ARHGAP26: variants seen among roughly 807,000 people sequenced by gnomAD.
The protein encoded by ARHGAP26 is Rho GTPase activating protein 26, also known as rho GTPase-activating protein 26.
A neutral mutation model predicts 104.8 loss-of-function variants in ARHGAP26; 38 were observed. The ratio of observed to expected loss-of-function variants is 0.36; its 90% confidence interval spans 0.28 to 0.48. The LOEUF is 0.48. ARHGAP26 is among the 20% of genes least tolerant of loss of function. The pLI is 0.99. For synonymous variants in ARHGAP26, 341 were observed against 340.0 expected, an observed-to-expected ratio of 1.00 and a Z score of -0.03; for missense variants, 704 against 947.9, an observed-to-expected ratio of 0.74 and a Z score of 3.38.
intron 19 of ARHGAP26, among the ~76,000 whole-genome samples, chr5:143,138,268 G>A (rs1461040045): frequency 1.3e-5 from 2 of 152,192 alleles, no homozygotes; most frequent in South Asian, 4.1e-4. Flanking sequence ...TCAGTTATAA[G>A]ACAGCAAGTC....
chr5:143,159,669 C>T (rs1459544495), intron 20 of ARHGAP26, among the ~76,000 whole-genome samples: 1 of 152,036 alleles, frequency 6.6e-6, no homozygotes, highest in Admixed American at 6.6e-5. Context: ...CTGAAGCCTC[C>T]CAAGTGATTT....
At chr5:143,019,064 A>G (rs1270141900) in intron 12 of ARHGAP26, among the ~76,000 whole-genome samples, 1 of 152,164 alleles carries the variant, frequency 6.6e-6, no homozygotes, top group African/African-American at 2.4e-5. Context: ...ATCCCTAAAT[A>G]CTAAATTTAA....
At chr5:143,115,022 A>G (rs1795245263) in intron 17 of ARHGAP26, among the ~76,000 whole-genome samples, 1 of 152,106 alleles carries the variant, frequency 6.6e-6, no homozygotes, top group South Asian at 2.1e-4. Context: ...AGAAGTACTT[A>G]TAGGGAAGTG....
At chr5:142,940,502 G>A (rs1045926376) in intron 11 of ARHGAP26, among the ~76,000 whole-genome samples, 18 of 152,140 alleles carry the variant, frequency 1.2e-4, no homozygotes, top group African/African-American at 4.3e-4. Flanking sequence ...GCTCCAGTAT[G>A]TCCATGTGTT....
In ARHGAP26 at chr5:143,087,636, C is replaced by CTTTTTTTTTTTTTTTTTTTTT. The variant is rs35201189; in HGVS notation, c.1538+29895_1538+29915dup. 3.7e-4 allele frequency among the ~76,000 whole-genome samples: 19 copies of CTTTTTTTTTTTTTTTTTTTTT among 51,566 alleles called. 5 individuals carry two copies. The highest frequency in any genetic ancestry group is 1.7e-3 in the East Asian group (2 of 1,166). 33.8% of individuals were successfully genotyped at this position (51,566 alleles called of 152,430 possible). A position where few individuals can be genotyped will look rare whatever the true frequency, so the allele number is the denominator to read the frequency against. ...CTCATCTAATTAACCCTGGCCCATT[C>CTTTTTTTTTTTTTTTTTTTTT]TTTTTTTTTTTTTTTTTTTTTTTTT... On this transcript the variant is annotated intron_variant, in intron 17 of 22. Coordinates refer to ENST00000645722, the MANE Select transcript of ARHGAP26 (RefSeq NM_001135608.3).
chr5:143,201,939 T>C (rs1319663437), intron 20 of ARHGAP26, among the ~76,000 whole-genome samples: 1 of 152,216 alleles, frequency 6.6e-6, no homozygotes, highest in Non-Finnish European at 1.5e-5. Context: ...TAGGTCCGCT[T>C]GGTCCAGTGC....
chr5:142,958,107 G>A (rs547916116), intron 11 of ARHGAP26, among the ~76,000 whole-genome samples: 20 of 152,282 alleles, frequency 1.3e-4, no homozygotes, highest in African/African-American at 4.8e-4. Flanking sequence ...GGTCATTTTT[G>A]TCAGGGAGCA....
intron 20 of ARHGAP26, among the ~76,000 whole-genome samples, chr5:143,152,173 A>G (rs991184201): frequency 2.6e-5 from 4 of 152,188 alleles, no homozygotes; most frequent in East Asian, 3.8e-4. Context: ...GACATTATGC[A>G]TTTGTCAAAA....
At chr5:142,982,117 G>A (rs1335540943) in intron 11 of ARHGAP26, among the ~76,000 whole-genome samples, 2 of 152,186 alleles carry the variant, frequency 1.3e-5, no homozygotes, top group African/African-American at 2.4e-5. Context: ...TTAGCAGGCT[G>A]TTCAGACAGT....
At chr5:142,842,243 T>C (rs1597863882) in intron 1 of ARHGAP26, among the ~76,000 whole-genome samples, 1 of 152,354 alleles carries the variant, frequency 6.6e-6, no homozygotes, top group East Asian at 1.9e-4. Context: ...CCTTATTCTT[T>C]AGATCCTCCA....
intron 1 of ARHGAP26, among the ~76,000 whole-genome samples, chr5:142,815,026 A>G (rs773579791): frequency 1.3e-5 from 2 of 152,186 alleles, no homozygotes; most frequent in Non-Finnish European, 2.9e-5. Context: ...TTAGAGACAG[A>G]GTCTTGCTCT....
intron 11 of ARHGAP26, among the ~76,000 whole-genome samples, chr5:142,941,855 T>C (rs1215060743): frequency 6.6e-6 from 1 of 152,248 alleles, no homozygotes; most frequent in Non-Finnish European, 1.5e-5. Context: ...GAATTTTTGC[T>C]TGAACTTTAT....
intron 6 of ARHGAP26, among the ~76,000 whole-genome samples, chr5:142,900,248 C>G (rs1009028224): frequency 6.6e-6 from 1 of 152,158 alleles, no homozygotes; most frequent in Non-Finnish European, 1.5e-5. Context: ...ATAGAATAAG[C>G]CCAAAGCCTT....
intron 1 of ARHGAP26, among the ~76,000 whole-genome samples, chr5:142,778,455 A>G (rs1756812331): frequency 6.6e-6 from 1 of 152,110 alleles, no homozygotes; most frequent in Non-Finnish European, 1.5e-5. Flanking sequence ...TGTTTTTTTC[A>G]TAAATGGGAT....
chr5:143,017,728 A>C (rs1403794796), intron 12 of ARHGAP26, among the ~76,000 whole-genome samples: 1 of 152,096 alleles, frequency 6.6e-6, no homozygotes, highest in African/African-American at 2.4e-5. Context: ...TTACTGCATA[A>C]TTTGTGGTAC....
chr5:143,207,618 T>C, intron 21 of ARHGAP26: 3 of 1,031,310 alleles, frequency 2.9e-6, no homozygotes. Flanking sequence ...ATGGCATTTT[T>C]CACACCCTTT....
chr5:143,156,531 T>G (rs1174877339), intron 20 of ARHGAP26, among the ~76,000 whole-genome samples: 2 of 152,204 alleles, frequency 1.3e-5, no homozygotes, highest in African/African-American at 4.8e-5. Context: ...GATCAGCATA[T>G]TCTGGAAGGA....
At chr5:142,977,872 G>A (rs548874841) in intron 11 of ARHGAP26, among the ~76,000 whole-genome samples, 2 of 152,166 alleles carry the variant, frequency 1.3e-5, no homozygotes, top group African/African-American at 2.4e-5. Context: ...TTCTCTGTTC[G>A]TACCACTACT....
intron 14 of ARHGAP26, among the ~76,000 whole-genome samples, chr5:143,052,823 C>A (rs1785238661): frequency 6.6e-6 from 1 of 151,960 alleles, no homozygotes; most frequent in Non-Finnish European, 1.5e-5. Context: ...TATTTTTTTT[C>A]CAGCTGAAAG....
Sources: gnomAD v4.1 joint callset for allele counts (sites outside exome capture counted in the v4.1 genomes callset) on GRCh38, gnomAD v4.1.1 for gene constraint, MANE v1.5 for transcripts, NCBI Gene and HGNC (gene_info 2026-07-23, HGNC 2026-07-21) for gene names.